DSG1: variants seen among roughly 807,000 people sequenced by gnomAD.
DSG1 encodes the protein desmoglein-1.
A neutral mutation model predicts 97.5 loss-of-function variants in DSG1; 39 were observed. The observed-to-expected ratio is 0.40, with a 90% CI of 0.31 to 0.52. DSG1 has a LOEUF of 0.52. Among genes scored for constraint, DSG1 ranks in the 20% least tolerant of loss-of-function variants. The pLI is 0.53. For synonymous variants in DSG1, 475 were observed against 443.4 expected, an observed-to-expected ratio of 1.07 and a Z score of -0.90; for missense variants, 1,311 against 1,295.4, an observed-to-expected ratio of 1.01 and a Z score of -0.18.
At chr18:31,331,912 A>T in intron 6 of DSG1, 45 bp downstream of exon 6, 1 of 1,576,176 alleles carries the variant, frequency 6.3e-7, no homozygotes, top group Non-Finnish European at 8.7e-7. Context: ...AAAGGAACTG[A>T]TTCTAAAAGC....
Position 31,338,342 on chromosome 18 carries a change from C to T in DSG1, c.1293C>T (p.Asp431=). The T allele has an allele frequency of 6.2e-7, 1 of 1,613,656 alleles. No individual in the cohort carries two copies. The highest frequency in any genetic ancestry group is 8.5e-7 in the Non-Finnish European group (1 of 1,179,764). ...VRYVMGNNPA[D]LLAVDSRTGK... ...ATGTAATGGGAAATAATCCAGCTGA[C>T]CTGCTAGCTGTTGATTCAAGAACAG... The change falls in exon 10 of 15, where the codon GAC becomes GAT. Residue 431 remains aspartate, a synonymous_variant. Coordinates refer to ENST00000257192, the MANE Select transcript of DSG1 (RefSeq NM_001942.4).
At chr18:31,342,152 T>C (rs1352477324) in intron 11 of DSG1, among the ~76,000 whole-genome samples, 1 of 152,176 alleles carries the variant, frequency 6.6e-6, no homozygotes, top group African/African-American at 2.4e-5. Context: ...CAGGATGATC[T>C]CGATCTCCTG....
rs2071978902 is a variant in DSG1 at position 31,358,738 on chromosome 18, C to T, written c.*3392C>T. Reference sequence around the variant, plus strand: ...TTTAAAAGTATTTGCCACATTTTCCCATGCCTATTTCATAAATTCCAACTT... The same window carrying T: ...TTTAAAAGTATTTGCCACATTTTCCTATGCCTATTTCATAAATTCCAACTT... On this transcript the variant is annotated 3_prime_UTR_variant, in exon 15 of 15. Transcript: ENST00000257192. Among the ~76,000 whole-genome samples the T allele has an allele frequency of 6.6e-6, 1 of 151,994 alleles. No individual in the cohort carries two copies. Among genetic ancestry groups the T allele is most frequent in the South Asian group, 2.1e-4 (1 of 4,832 alleles).
rs534030582 is a variant in DSG1 at position 31,340,068 on chromosome 18, A to G, written c.1687+43A>G. On this transcript the variant is annotated intron_variant, in intron 11 of 14. Transcript: ENST00000257192. The stretch of plus-strand genomic sequence containing the variant: ...CCTATGTATATGTGTCCCCCAAAAA[A>G]TGCTGGGGGAGGAGTTAAGTTTTCT... The G allele has an allele frequency of 3.9e-5, 62 of 1,577,562 alleles. No homozygotes were observed. In the South Asian group the frequency reaches 6.0e-4, roughly 15 times the overall value.
At chr18:31,327,114 C>T (rs992751087) in intron 3 of DSG1, 109 bp downstream of exon 3, 2 of 1,367,374 alleles carry the variant, frequency 1.5e-6, no homozygotes, top group Admixed American at 3.5e-5. Context: ...AGCTACGATA[C>T]AGAACAGAAC....
chr18:31,341,396 G>A (rs1311727971), intron 11 of DSG1, among the ~76,000 whole-genome samples: 1 of 152,102 alleles, frequency 6.6e-6, no homozygotes, highest in Admixed American at 6.5e-5. Flanking sequence ...GATATGTTTT[G>A]CTACATTTAT....
chr18:31,322,832 G>C (rs1598696023), intron 1 of DSG1, among the ~76,000 whole-genome samples: 1 of 152,102 alleles, frequency 6.6e-6, no homozygotes, highest in Non-Finnish European at 1.5e-5. Flanking sequence ...AAAATAGCTT[G>C]TTACTCTCAA....
chr18:31,343,713 G>A, intron 12 of DSG1, 130 bp downstream of exon 12: 8 of 1,408,496 alleles, frequency 5.7e-6, no homozygotes, highest in Non-Finnish European at 7.9e-6. Context: ...TGGAGAAAAT[G>A]AAGAGGAATC....
chr18:31,328,400 C>A lies in DSG1; in HGVS notation c.372+56C>A. ...CATGCTTAAATTCTTCTCAGAAGTT[C>A]TTAATCTCAGATCATACTTAATTTG... is the stretch of plus-strand genomic sequence containing the variant. On this transcript the variant is annotated intron_variant, in intron 4 of 14. Transcript: ENST00000257192. The A allele has an allele frequency of 3.2e-6, 5 of 1,544,704 alleles. No homozygotes were observed. The East Asian group carries it at 1.1e-4, about 35-fold the overall frequency.
At chr18:31,321,257 A>G (rs1174330147) in intron 1 of DSG1, among the ~76,000 whole-genome samples, 5 of 152,132 alleles carry the variant, frequency 3.3e-5, no homozygotes, top group African/African-American at 1.2e-4. Context: ...TTCATTACAT[A>G]GTTCCTAAAC....
intron 9 of DSG1, among the ~76,000 whole-genome samples, chr18:31,337,065 C>T (rs978404195): frequency 1.3e-5 from 2 of 152,064 alleles, no homozygotes; most frequent in African/African-American, 4.8e-5. Context: ...TGTGAAAATT[C>T]GGTTATATTA....
intron 1 of DSG1, among the ~76,000 whole-genome samples, chr18:31,321,637 G>A (rs1193330746): frequency 6.6e-6 from 1 of 152,158 alleles, no homozygotes; most frequent in Non-Finnish European, 1.5e-5. Context: ...ATTGGTTTGA[G>A]TTGCCACAAA....
chr18:31,328,176 G>C lies in DSG1; in HGVS notation c.217-13G>C. 1 of 1,612,890 alleles carries C rather than the reference G, an allele frequency of 6.2e-7. No individual in the cohort carries two copies. On this transcript the variant is annotated splice_polypyrimidine_tract_variant and intron_variant, in intron 3 of 14. Coordinates refer to ENST00000257192, the MANE Select transcript of DSG1 (RefSeq NM_001942.4). ...TGCTCCCTCTAATATTTTTACTTGTGTTCCTTCTGCAGATTCACTCAGATT... is the reference window on the plus strand; with the variant it reads ...TGCTCCCTCTAATATTTTTACTTGTCTTCCTTCTGCAGATTCACTCAGATT...
chr18:31,350,862 T>G (rs752238978), intron 14 of DSG1, among the ~76,000 whole-genome samples: 13 of 151,144 alleles, frequency 8.6e-5, no homozygotes, highest in Middle Eastern at 6.8e-3. Flanking sequence ...TCTCTCTTTT[T>G]TTCTTTATTA....
chr18:31,327,851 A>G (rs1270073272), intron 3 of DSG1, among the ~76,000 whole-genome samples: 2 of 152,314 alleles, frequency 1.3e-5, no homozygotes, highest in Admixed American at 1.3e-4. Context: ...GCTCCAGTGC[A>G]AGCACAGACC....
At chr18:31,331,500 C>G (rs959718558) in intron 5 of DSG1, among the ~76,000 whole-genome samples, 1 of 151,956 alleles carries the variant, frequency 6.6e-6, no homozygotes, top group Non-Finnish European at 1.5e-5. Context: ...GTCTAGATTC[C>G]TAGTAAAATG....
At chr18:31,328,939 G>A (rs971346506) in intron 4 of DSG1, among the ~76,000 whole-genome samples, 3 of 152,102 alleles carry the variant, frequency 2.0e-5, no homozygotes, top group Non-Finnish European at 4.4e-5. Context: ...CATAGCTTAA[G>A]TATCCTATCT....
chr18:31,337,384 G>C (rs891424820), intron 9 of DSG1, among the ~76,000 whole-genome samples: 4 of 152,056 alleles, frequency 2.6e-5, no homozygotes, highest in African/African-American at 9.7e-5. Flanking sequence ...AGCCTCCCAA[G>C]TAGCTGGGAT....
At chr18:31,318,932 A>C (rs2071636968) in intron 1 of DSG1, among the ~76,000 whole-genome samples, 2 of 152,156 alleles carry the variant, frequency 1.3e-5, no homozygotes, top group South Asian at 4.1e-4. Context: ...AAACATTTTT[A>C]ATTTCAAAAA....
Sources: allele counts gnomAD v4.1 joint callset (sites outside exome capture counted in the v4.1 genomes callset), GRCh38; gene constraint gnomAD v4.1.1; transcripts MANE v1.5; gene names NCBI Gene and HGNC (gene_info 2026-07-23, HGNC 2026-07-21).